SCFD2: variants seen among roughly 807,000 people sequenced by gnomAD.
SCFD2 encodes the protein sec1 family domain-containing protein 2.
Under a neutral mutation model 58.9 loss-of-function variants are expected in SCFD2, and 54 were observed. That is an observed-to-expected ratio of 0.92 (90% CI 0.74 to 1.15). The LOEUF is 1.15. Ranked by LOEUF, SCFD2 falls within the 50% of genes most tolerant of loss-of-function variation. The pLI is 0.00. For missense variants in SCFD2, 805 were observed against 836.6 expected, an observed-to-expected ratio of 0.96 and a Z score of 0.47; for synonymous variants, 321 against 335.9, an observed-to-expected ratio of 0.96 and a Z score of 0.49.
chr4:53,034,090 C>A (rs1235785772), intron 5 of SCFD2, among the ~76,000 whole-genome samples: 1 of 152,166 alleles, frequency 6.6e-6, no homozygotes, highest in Non-Finnish European at 1.5e-5. Context: ...CTAAACCCAG[C>A]AGCACATCAA....
At chr4:53,355,904 C>T (rs1239458973) in intron 1 of SCFD2, among the ~76,000 whole-genome samples, 2 of 152,202 alleles carry the variant, frequency 1.3e-5, no homozygotes, top group Non-Finnish European at 2.9e-5. Context: ...GTTCAAATGT[C>T]GCATCCTCTC....
Position 53,199,375 on chromosome 4 carries a change from G to A in SCFD2, c.1312-53793C>T, listed in dbSNP as rs1728157171. On this transcript the variant is annotated intron_variant, in intron 4 of 8. Transcript: ENST00000401642. The stretch of plus-strand genomic sequence containing the variant: ...AGGGGAGATGATTACAAACAACAGA[G>A]TATGAACTTTGGGTTGTGTAGTATA... Among the ~76,000 whole-genome samples the A allele has an allele frequency of 3.9e-5, 6 of 152,096 alleles. No individual in the cohort carries two copies. The South Asian group carries it at 1.2e-3, about 32-fold the overall frequency.
rs1444219663 is a variant in SCFD2 at position 52,963,955 on chromosome 4, CAT to C, written c.1562-43087_1562-43086del. Among the ~76,000 whole-genome samples the C allele has an allele frequency of 7.9e-5, 12 of 152,310 alleles. No individual in the cohort carries two copies. In the South Asian group the frequency reaches 8.3e-4, roughly 11 times the overall value. On this transcript the variant is annotated intron_variant, in intron 5 of 8. Transcript: ENST00000401642. ...CAAGAGATGCCTAAGAAAAATTACA[CAT>C]GAGAATGAAGGACTAGTCATACATT...
intron 5 of SCFD2, among the ~76,000 whole-genome samples, chr4:53,079,828 A>G (rs1724089375): frequency 6.6e-6 from 1 of 152,220 alleles, no homozygotes. Context: ...TCTCCATTAT[A>G]AATCATCATT....
At chr4:52,977,738 G>C (rs1721286277) in intron 5 of SCFD2, among the ~76,000 whole-genome samples, 1 of 152,154 alleles carries the variant, frequency 6.6e-6, no homozygotes, top group Non-Finnish European at 1.5e-5. Flanking sequence ...TGTTACAGAG[G>C]AGCTAGCAGT....
chr4:53,002,361 A>G (rs1413972357), intron 5 of SCFD2, among the ~76,000 whole-genome samples: 1 of 152,164 alleles, frequency 6.6e-6, no homozygotes, highest in East Asian at 1.9e-4. Flanking sequence ...AGGCCTGGAG[A>G]GGATACCACC....
chr4:53,011,037 T>C (rs1232566657), intron 5 of SCFD2, among the ~76,000 whole-genome samples: 2 of 152,222 alleles, frequency 1.3e-5, no homozygotes, highest in African/African-American at 4.8e-5. Flanking sequence ...TCAAACACTG[T>C]TCCAAAGCAC....
At chr4:53,178,594 ATC>A (rs1727427385) in intron 4 of SCFD2, among the ~76,000 whole-genome samples, 2 of 152,188 alleles carry the variant, frequency 1.3e-5, no homozygotes, top group African/African-American at 4.8e-5. Context: ...CAGAGCGCCT[ATC>A]CTCCTCCAAA....
At chr4:53,256,341 G>A (rs1730630692) in intron 4 of SCFD2, among the ~76,000 whole-genome samples, 1 of 150,860 alleles carries the variant, frequency 6.6e-6, no homozygotes, top group African/African-American at 2.4e-5. Flanking sequence ...GCCGGGCAGA[G>A]ACGCTCCTCA....
rs144294699 is a variant in SCFD2 at position 53,065,233 on chromosome 4, A to G, written c.1561+80100T>C. Among the ~76,000 whole-genome samples the G allele has an allele frequency of 9.7e-4, 147 of 152,226 alleles. 1 individual carries two copies. Among genetic ancestry groups the G allele is most frequent in the African/African-American group, 3.4e-3 (141 of 41,582 alleles). On this transcript the variant is annotated intron_variant, in intron 5 of 8. Coordinates refer to ENST00000401642, the MANE Select transcript of SCFD2 (RefSeq NM_152540.4). ...ATAGATCACTTATGGCAGTTAGCAC[A>G]ATAAATTCAATATGGCTTATGAGTT...
chr4:53,289,926 G>A (rs918940826), intron 3 of SCFD2, among the ~76,000 whole-genome samples: 1 of 152,084 alleles, frequency 6.6e-6, no homozygotes, highest in Non-Finnish European at 1.5e-5. Flanking sequence ...TCATCAAGAG[G>A]ACATAACAAT....
chr4:52,926,053 A>T (rs755845097), intron 5 of SCFD2, among the ~76,000 whole-genome samples: 16 of 152,108 alleles, frequency 1.1e-4, no homozygotes, highest in Middle Eastern at 3.4e-3. Context: ...GGCTCTGTAC[A>T]CCGCAGGGAG....
At chr4:53,077,006 C>A (rs540218256) in intron 5 of SCFD2, among the ~76,000 whole-genome samples, 1 of 152,130 alleles carries the variant, frequency 6.6e-6, no homozygotes. Context: ...TGTATATATC[C>A]TTTAAGCACC....
At chr4:52,948,155 T>C (rs1720489525) in intron 5 of SCFD2, 1 of 182,028 alleles carries the variant, frequency 5.5e-6, no homozygotes, top group Admixed American at 5.8e-5. Context: ...GAGAGTGTAG[T>C]GTTGTAAATA....
chr4:53,312,292 G>A (rs1361960006), intron 3 of SCFD2, among the ~76,000 whole-genome samples: 3 of 152,128 alleles, frequency 2.0e-5, no homozygotes, highest in Non-Finnish European at 2.9e-5. Flanking sequence ...TACAAATTAG[G>A]ATGATTTTAT....
At chr4:52,962,985 G>A (rs1720886034) in intron 5 of SCFD2, among the ~76,000 whole-genome samples, 2 of 152,230 alleles carry the variant, frequency 1.3e-5, no homozygotes, top group East Asian at 1.9e-4. Context: ...AAGGGCCAAG[G>A]CCTCACAAAT....
chr4:53,224,694 G>A (rs993383292), intron 4 of SCFD2, among the ~76,000 whole-genome samples: 1 of 152,150 alleles, frequency 6.6e-6, no homozygotes, highest in Non-Finnish European at 1.5e-5. Context: ...CACAAACTGT[G>A]AGCTCTAATA....
chr4:53,229,092 T>A (rs1431775815), intron 4 of SCFD2, among the ~76,000 whole-genome samples: 1 of 152,108 alleles, frequency 6.6e-6, no homozygotes, highest in Non-Finnish European at 1.5e-5. Flanking sequence ...CAAGGAGAAC[T>A]ACAAACCACT....
At chr4:53,251,696 A>T (rs1730389397) in intron 4 of SCFD2, among the ~76,000 whole-genome samples, 1 of 152,022 alleles carries the variant, frequency 6.6e-6, no homozygotes, top group African/African-American at 2.4e-5. Context: ...CTTCATGCTA[A>T]AAACTCTCAA....
Sources: allele counts gnomAD v4.1 joint callset (sites outside exome capture counted in the v4.1 genomes callset), GRCh38; gene constraint gnomAD v4.1.1; transcripts MANE v1.5; gene names NCBI Gene and HGNC (gene_info 2026-07-23, HGNC 2026-07-21).